ZNF667: variants seen among roughly 807,000 people sequenced by gnomAD.
ZNF667 encodes myocardial ischemic preconditioning upregulated 1 ortholog.
ZNF667 carries 13 observed loss-of-function variants against 31.8 expected under a neutral mutation model. The ratio of observed to expected loss-of-function variants is 0.41; its 90% CI spans 0.27 to 0.65. The LOEUF is 0.65. Ranked by LOEUF, ZNF667 falls within the 30% of genes least tolerant of loss-of-function variation. The probability of loss-of-function intolerance (pLI) is 0.32; values close to 1 mark genes in which losing one functional copy is unlikely to be tolerated. For missense variants in ZNF667, 642 were observed against 725.6 expected (o/e 0.88, Z 1.32); for synonymous variants, 228 against 247.1 (o/e 0.92, Z 0.73).
intron 6 of ZNF667, among the ~76,000 whole-genome samples, chr19:56,455,064 G>C (rs1245737948): frequency 6.6e-6 from 1 of 152,086 alleles, no homozygotes; most frequent in Admixed American, 6.5e-5. Flanking sequence ...TGGCAAACAG[G>C]CATATGAGAA....
chr19:56,450,099 T>C (rs1178254848), intron 6 of ZNF667, among the ~76,000 whole-genome samples: 6 of 151,862 alleles, frequency 4.0e-5, no homozygotes, highest in Non-Finnish European at 7.4e-5. Flanking sequence ...TGGAGAAAGA[T>C]GTCAAAATTC....
At chr19:56,462,947 GA>G (rs1482471108) in intron 3 of ZNF667, among the ~76,000 whole-genome samples, 1 of 152,172 alleles carries the variant, frequency 6.6e-6, no homozygotes, top group Non-Finnish European at 1.5e-5. Flanking sequence ...GTCTAAATAT[GA>G]GAGCATGAGC....
rs2042618268 is a variant in ZNF667 at position 56,442,092 on chromosome 19, TC to T, written c.902del (p.Arg301LysfsTer15). The T allele has an allele frequency of 1.9e-6, 3 of 1,614,180 alleles. No individual in the cohort carries two copies. Among genetic ancestry groups the T allele is most frequent in the Non-Finnish European group, 2.5e-6 (3 of 1,180,034 alleles). On this transcript the variant is annotated frameshift_variant, in exon 7 of 7. Transcript: ENST00000504904. LOFTEE classifies it high-confidence loss of function. The part of the protein sequence containing the change: ...KKKSVFVVHK[R>X]IHAGEKIPEN... ...CAGGGATTTTCTCTCCAGCATGAAT[TC>T]TTTTATGTACAACAAAGACTGATTT... is the stretch of plus-strand genomic sequence containing the variant.
chr19:56,462,509 ACACACATGCACACATATGCACGTG>A (rs1470670353), intron 3 of ZNF667, 80 bp from the exon 4 acceptor site: 7 of 839,290 alleles, frequency 8.3e-6, no homozygotes, highest in African/African-American at 3.3e-5. Flanking sequence ...ACACACACAG[ACACACATGCACACATATGCACGTG>A]CACACACACA....
chr19:56,448,115 C>T (rs2042742794), intron 6 of ZNF667, among the ~76,000 whole-genome samples: 1 of 152,048 alleles, frequency 6.6e-6, no homozygotes, highest in Non-Finnish European at 1.5e-5. Flanking sequence ...ATGCCTGCAC[C>T]ACCCCTCCCC....
Position 56,440,930 on chromosome 19 carries a change from C to G in ZNF667, c.*232G>C. On this transcript the variant is annotated 3_prime_UTR_variant, in exon 7 of 7. Transcript: ENST00000504904. ...AAGCCACTGCGCCCAGCCAGTAATT[C>G]TTATCAAATGAAAAATGATCTTCAT... 7.3e-7 allele frequency: 1 copy of G among 1,360,806 alleles called. No homozygotes were observed. The highest frequency in any genetic ancestry group is 1.5e-5 in the African/African-American group (1 of 68,618). 84.3% of individuals were successfully genotyped at this position (1,360,806 alleles called of 1,614,324 possible). A position where few individuals can be genotyped will look rare whatever the true frequency, so the allele number is the denominator to read the frequency against.
intron 6 of ZNF667, among the ~76,000 whole-genome samples, chr19:56,453,878 A>C (rs1030211607): frequency 6.6e-6 from 1 of 152,240 alleles, no homozygotes; most frequent in Admixed American, 6.5e-5. Flanking sequence ...AAGGCATCCA[A>C]GTTGGAAAGG....
At chr19:56,453,587 A>G (rs2042877811) in intron 6 of ZNF667, among the ~76,000 whole-genome samples, 1 of 152,210 alleles carries the variant, frequency 6.6e-6, no homozygotes, top group Non-Finnish European at 1.5e-5. Context: ...CAAAAAACAT[A>G]TGATCACTTC....
intron 6 of ZNF667, among the ~76,000 whole-genome samples, chr19:56,443,027 A>G (rs2042650117): frequency 6.6e-6 from 1 of 152,188 alleles, no homozygotes; most frequent in Admixed American, 6.5e-5. Flanking sequence ...TGTTCAATGG[A>G]TAAATGTATG....
At chr19:56,450,573 A>G (rs1345637663) in intron 6 of ZNF667, among the ~76,000 whole-genome samples, 1 of 152,168 alleles carries the variant, frequency 6.6e-6, no homozygotes, top group Non-Finnish European at 1.5e-5. Context: ...TAAATACAAA[A>G]TATTATAATA....
At position 56,440,660 on chromosome 19, in the gene ZNF667, A is replaced by G. The variant is rs193001221; in HGVS notation, c.*502T>C. On this transcript the variant is annotated 3_prime_UTR_variant, in exon 7 of 7. Coordinates refer to ENST00000504904, the MANE Select transcript of ZNF667 (RefSeq NM_001321356.2). ...CGGTAATTTTTTTTTTTTTTGACAC[A>G]GAGTCTTGCTCTGTTGCCCAGACTG... 138 of 855,456 alleles carry G rather than the reference A, an allele frequency of 1.6e-4. No homozygotes were observed. In the Admixed American group the frequency reaches 2.3e-3, roughly 14 times the overall value. The allele number at this position is 855,456 out of a possible 1,614,324, so 53.0% of individuals were successfully genotyped here. A position where few individuals can be genotyped will look rare whatever the true frequency, so the allele number is the denominator to read the frequency against.
intron 3 of ZNF667, among the ~76,000 whole-genome samples, chr19:56,464,396 A>C (rs887397192): frequency 5.3e-5 from 8 of 152,108 alleles, no homozygotes; most frequent in African/African-American, 1.9e-4. Context: ...TGGGAGGCTG[A>C]GATGGGAGGA....
intron 1 of ZNF667, chr19:56,475,222 C>G (rs191532745): frequency 6.6e-6 from 1 of 152,368 alleles, no homozygotes; most frequent in East Asian, 1.9e-4. Context: ...CAAGTTCCAG[C>G]TGAGTAAAAA....
chr19:56,458,857 T>C (rs959482599), intron 5 of ZNF667, among the ~76,000 whole-genome samples: 1 of 152,184 alleles, frequency 6.6e-6, no homozygotes, highest in Non-Finnish European at 1.5e-5. Flanking sequence ...TTGGTAAGCA[T>C]AAGTAAAGCG....
At chr19:56,453,317 C>A (rs2042871913) in intron 6 of ZNF667, among the ~76,000 whole-genome samples, 1 of 152,164 alleles carries the variant, frequency 6.6e-6, no homozygotes, top group Non-Finnish European at 1.5e-5. Flanking sequence ...ACCAATCCTA[C>A]TCAAACTATT....
chr19:56,463,684 C>A (rs10413169), intron 3 of ZNF667, among the ~76,000 whole-genome samples: 56,370 of 151,632 alleles, frequency 0.37, 10,894 homozygotes, highest in Middle Eastern at 0.52. Flanking sequence ...CCTGCCACCA[C>A]ACTCAGCTAA....
In ZNF667 at chr19:56,440,818, G is replaced by C. The variant is rs185209097; in HGVS notation, c.*344C>G. 1.3e-6 allele frequency: 1 copy of C among 754,654 alleles called. No individual in the cohort carries two copies. Among genetic ancestry groups the C allele is most frequent in the Non-Finnish European group, 1.7e-6 (1 of 599,398 alleles). The allele number at this position is 754,654 out of a possible 1,614,324, so 46.7% of individuals were successfully genotyped here. A position where few individuals can be genotyped will look rare whatever the true frequency, so the allele number is the denominator to read the frequency against. ...CGCCCAGCTAATTTTGTATTTTTTA[G>C]TAGAGACAGGGTTTCACCGTGGTCT... On this transcript the variant is annotated 3_prime_UTR_variant, in exon 7 of 7. Transcript: ENST00000504904.
chr19:56,471,299 C>G (rs1319588017), intron 3 of ZNF667, among the ~76,000 whole-genome samples: 1 of 152,170 alleles, frequency 6.6e-6, no homozygotes, highest in African/African-American at 2.4e-5. Flanking sequence ...GCCAATTAAA[C>G]TTTTCTTTAA....
chr19:56,449,836 T>C (rs1270035182), intron 6 of ZNF667, among the ~76,000 whole-genome samples: 4 of 151,894 alleles, frequency 2.6e-5, no homozygotes, highest in Admixed American at 2.0e-4. Flanking sequence ...AAAAATTCAG[T>C]TGACAAATTA....
Sources: allele counts gnomAD v4.1 joint callset (sites outside exome capture counted in the v4.1 genomes callset), GRCh38; gene constraint gnomAD v4.1.1; transcripts MANE v1.5; gene names NCBI Gene and HGNC (gene_info 2026-07-23, HGNC 2026-07-21).